Variants in TSHR observed in about 807,000 individuals in gnomAD.
TSHR encodes the protein thyrotropin receptor.
TSHR carries 51 observed loss-of-function variants against 64.1 expected under a neutral mutation model. That is an observed-to-expected ratio of 0.80 (90% CI 0.64 to 1.01). The LOEUF is 1.01. Among genes scored for constraint, TSHR ranks in the 50% least tolerant of loss-of-function variants. The pLI, the probability that TSHR is intolerant of heterozygous loss-of-function variation, is 0.00. For missense variants in TSHR, 877 were observed against 942.8 expected, an observed-to-expected ratio of 0.93 and a Z score of 0.91; for synonymous variants, 361 against 361.9, an observed-to-expected ratio of 1.00 and a Z score of 0.03.
chr14:81,082,429 T>C (rs1428630661), intron 3 of TSHR, among the ~76,000 whole-genome samples: 1 of 152,202 alleles, frequency 6.6e-6, no homozygotes, highest in Non-Finnish European at 1.5e-5. Context: ...TAAACTTGCT[T>C]CAAGCTAGCC....
intron 1 of TSHR, among the ~76,000 whole-genome samples, chr14:81,059,430 A>C (rs1428143095): frequency 6.6e-6 from 1 of 152,182 alleles, no homozygotes; most frequent in East Asian, 1.9e-4. Context: ...GTATTTTTTT[A>C]GATTATGCGC....
At chr14:81,099,908 G>A (rs768670091) in intron 7 of TSHR, among the ~76,000 whole-genome samples, 1 of 152,166 alleles carries the variant, frequency 6.6e-6, no homozygotes, top group African/African-American at 2.4e-5. Context: ...AGTGTGCTAA[G>A]TGGATCTCAG....
chr14:81,114,585 C>T (rs1261512711), intron 8 of TSHR, among the ~76,000 whole-genome samples: 6 of 152,130 alleles, frequency 3.9e-5, no homozygotes, highest in South Asian at 2.1e-4. Context: ...AACTGCAAGG[C>T]GGCAGCGAGG....
At chr14:81,080,375 G>A (rs892288856) in intron 3 of TSHR, among the ~76,000 whole-genome samples, 1 of 152,114 alleles carries the variant, frequency 6.6e-6, no homozygotes, top group African/African-American at 2.4e-5. Context: ...TGAATCAAGT[G>A]GATGCATCAG....
intron 1 of TSHR, among the ~76,000 whole-genome samples, chr14:81,008,438 C>T (rs1187967246): frequency 1.3e-5 from 2 of 152,132 alleles, no homozygotes; most frequent in Non-Finnish European, 2.9e-5. Flanking sequence ...TCCCAAAGTG[C>T]TGGGATTACA....
Position 81,041,446 on chromosome 14 carries a change from G to A in TSHR, c.171-20702G>A, listed in dbSNP as rs562869437. On this transcript the variant is annotated intron_variant, in intron 1 of 9. Coordinates refer to ENST00000298171, the MANE Select transcript of TSHR (RefSeq NM_000369.5). Reference sequence around the variant, plus strand: ...GAAAACCAAATACAGCATGTCCTCAGTTATAAGTGGGAACTAAATAATGAG... The same window carrying A: ...GAAAACCAAATACAGCATGTCCTCAATTATAAGTGGGAACTAAATAATGAG... Among the ~76,000 whole-genome samples, 4 of 152,154 alleles carry A rather than the reference G, an allele frequency of 2.6e-5. No individual in the cohort carries two copies. In the East Asian group the frequency reaches 7.7e-4, roughly 29 times the overall value.
At position 81,103,576 on chromosome 14, in the gene TSHR, T is replaced by C. The variant is rs61380074; in HGVS notation, c.615-4799T>C. ...CAGCAGTCAAGCAATTAGTTAGGATTTCATGAAAATGATGGCAGATGTGTA... is the reference window on the plus strand; with the variant it reads ...CAGCAGTCAAGCAATTAGTTAGGATCTCATGAAAATGATGGCAGATGTGTA... On this transcript the variant is annotated intron_variant, in intron 7 of 9. Coordinates refer to ENST00000298171, the MANE Select transcript of TSHR (RefSeq NM_000369.5). This position sits in a 1 kb window ranked among gnomAD's most constrained non-coding sequence, Gnocchi z 4.1. The C allele has an allele frequency of 7.4e-3, 7,267 of 985,422 alleles. 371 individuals carry two copies. The African/African-American group carries it at 0.12, about 16-fold the overall frequency. 61.0% of individuals were successfully genotyped at this position (985,422 alleles called of 1,614,324 possible).
chr14:81,117,525 A>C (rs1890574333), intron 8 of TSHR, among the ~76,000 whole-genome samples: 1 of 131,372 alleles, frequency 7.6e-6, no homozygotes, highest in Non-Finnish European at 1.6e-5. Context: ...AGGAGCTGAA[A>C]TTGTGGCAAT....
intron 1 of TSHR, among the ~76,000 whole-genome samples, chr14:81,055,373 G>A (rs140610415): frequency 1.2e-3 from 176 of 152,298 alleles, no homozygotes; most frequent in African/African-American, 3.9e-3. Context: ...GGGAAATTTG[G>A]GGTGGGCACC....
chr14:81,007,464 T>C (rs1179421770), intron 1 of TSHR, among the ~76,000 whole-genome samples: 1 of 152,170 alleles, frequency 6.6e-6, no homozygotes, highest in African/African-American at 2.4e-5. Context: ...GATTTGTCTC[T>C]TTTTTTCTCA....
intron 8 of TSHR, among the ~76,000 whole-genome samples, chr14:81,120,842 T>C (rs1200532127): frequency 6.6e-6 from 1 of 152,156 alleles, no homozygotes; most frequent in African/African-American, 2.4e-5. Flanking sequence ...AGAGAGACAA[T>C]GTTTTACATG....
Position 81,144,630 on chromosome 14 carries a change from C to A in TSHR, c.*277C>A. The A allele has an allele frequency of 2.1e-6, 1 of 476,680 alleles. No homozygotes were observed. The highest frequency in any genetic ancestry group is 2.7e-5 in the South Asian group (1 of 36,628). The allele number at this position is 476,680 out of a possible 1,614,324, so 29.5% of individuals were successfully genotyped here. ...TAGAAGACTTTCTTGATGCCAAGTC[C>A]AGAGATGTCATTGTGTAGGATGTTC... On this transcript the variant is annotated 3_prime_UTR_variant, in exon 10 of 10. Coordinates refer to ENST00000298171, the MANE Select transcript of TSHR (RefSeq NM_000369.5).
At chr14:81,020,167 C>T (rs1464483552) in intron 1 of TSHR, among the ~76,000 whole-genome samples, 1 of 152,184 alleles carries the variant, frequency 6.6e-6, no homozygotes, top group Non-Finnish European at 1.5e-5. Flanking sequence ...ATTTAACAAA[C>T]ATTGTTGAAT....
At chr14:81,114,923 G>T (rs80075369) in intron 8 of TSHR, among the ~76,000 whole-genome samples, 5,770 of 152,188 alleles carry the variant, frequency 0.038, 317 homozygotes, top group East Asian at 0.23. Context: ...GGGGCACACT[G>T]ACACCTCACA....
intron 1 of TSHR, among the ~76,000 whole-genome samples, chr14:81,006,173 G>C (rs2139768319): frequency 6.6e-6 from 1 of 152,318 alleles, no homozygotes; most frequent in Middle Eastern, 3.4e-3. Flanking sequence ...GGTCCAGGTA[G>C]TTCCCATATA....
At chr14:81,090,315 G>T (rs904554604) in intron 4 of TSHR, among the ~76,000 whole-genome samples, 3 of 152,098 alleles carry the variant, frequency 2.0e-5, no homozygotes, top group African/African-American at 7.2e-5. Context: ...CATGATCTCG[G>T]CTCACTGCAA....
At chr14:80,958,810 T>G (rs1004156810) in intron 1 of TSHR, among the ~76,000 whole-genome samples, 1 of 152,318 alleles carries the variant, frequency 6.6e-6, no homozygotes, top group East Asian at 1.9e-4. Flanking sequence ...TACTGAGGCA[T>G]GTTCTCTCAC....
chr14:81,138,182 G>A (rs931874702), intron 8 of TSHR, among the ~76,000 whole-genome samples: 1 of 150,298 alleles, frequency 6.7e-6, no homozygotes, highest in African/African-American at 2.5e-5. Flanking sequence ...CAAGCGCCAA[G>A]GGTAATTTTT....
chr14:81,116,897 TA>T (rs1890540496), intron 8 of TSHR, among the ~76,000 whole-genome samples: 1 of 146,246 alleles, frequency 6.8e-6, no homozygotes, highest in Admixed American at 6.8e-5. Flanking sequence ...ACCACTCAAC[TA>T]CATGGAAACT....
Sources: allele counts gnomAD v4.1 joint callset (sites outside exome capture counted in the v4.1 genomes callset), GRCh38; gene constraint gnomAD v4.1.1; non-coding constraint Gnocchi (gnomAD v3.1); transcripts MANE v1.5; gene names NCBI Gene and HGNC (gene_info 2026-07-23, HGNC 2026-07-21).